CBX5: variants seen among roughly 807,000 people sequenced by gnomAD.
CBX5 encodes chromobox protein homolog 5.
In CBX5, 7 loss-of-function variants were observed where a neutral mutation model predicts 20.7. The ratio of observed to expected loss-of-function variants is 0.34; its 90% CI spans 0.19 to 0.63. The LOEUF (loss-of-function observed/expected upper bound fraction) is 0.63, where lower values mean the gene tolerates loss of function less well. Ranked by LOEUF, CBX5 falls within the 30% of genes least tolerant of loss-of-function variation. The probability of loss-of-function intolerance (pLI) is 0.75; values close to 1 mark genes in which losing one functional copy is unlikely to be tolerated. For missense variants in CBX5, 110 were observed against 224.1 expected (o/e 0.49, Z 3.25); for synonymous variants, 78 against 77.0 (o/e 1.01, Z -0.07).
intron 3 of CBX5, among the ~76,000 whole-genome samples, chr12:54,247,634 T>C (rs1270853625): frequency 1.3e-5 from 2 of 152,148 alleles, no homozygotes; most frequent in African/African-American, 4.8e-5. Flanking sequence ...AATCCATGTG[T>C]AGTAACACTG....
Position 54,241,739 on chromosome 12 carries a change from G to C in CBX5, c.*16C>G, listed in dbSNP as rs773760169. The C allele has an allele frequency of 2.5e-6, 4 of 1,605,524 alleles. No individual in the cohort carries two copies. Among genetic ancestry groups the C allele is most frequent in the Non-Finnish European group, 3.4e-6 (4 of 1,177,358 alleles). ...GTATTATGTACAAAGAGAAATGACA[G>C]AGACCATCCCCTCCTTTAGCTCTTT... On this transcript the variant is annotated 3_prime_UTR_variant, in exon 5 of 5. Coordinates refer to ENST00000209875, the MANE Select transcript of CBX5 (RefSeq NM_012117.3).
At chr12:54,252,262 G>A (rs752552421) in intron 2 of CBX5, 35 bp from the exon 3 acceptor site, 65 of 1,348,290 alleles carry the variant, frequency 4.8e-5, no homozygotes, top group Middle Eastern at 2.5e-4. Flanking sequence ...AAAAAAAAAA[G>A]GGGGGGGTAA....
At chr12:54,261,881 C>T (rs963768272) in intron 1 of CBX5, among the ~76,000 whole-genome samples, 2 of 152,096 alleles carry the variant, frequency 1.3e-5, no homozygotes, top group African/African-American at 4.8e-5. Context: ...ATGTTGAAAC[C>T]AAAGATCTAT....
chr12:54,262,166 T>C (rs1943919926), intron 1 of CBX5, among the ~76,000 whole-genome samples: 1 of 152,144 alleles, frequency 6.6e-6, no homozygotes, highest in African/African-American at 2.4e-5. Context: ...ACTTTAAAGA[T>C]GGCAGAATGA....
Position 54,238,981 on chromosome 12 carries a change from A to C in CBX5, c.*2774T>G, listed in dbSNP as rs1943650246. 6.6e-6 allele frequency: 1 copy of C among 152,212 alleles called. No individual in the cohort carries two copies. Among genetic ancestry groups the C allele is most frequent in the South Asian group, 2.1e-4 (1 of 4,836 alleles). The allele number at this position is 152,212 out of a possible 1,614,324, so 9.4% of individuals were successfully genotyped here. A position where few individuals can be genotyped will look rare whatever the true frequency, so the allele number is the denominator to read the frequency against. On this transcript the variant is annotated 3_prime_UTR_variant, in exon 5 of 5. Coordinates refer to ENST00000209875, the MANE Select transcript of CBX5 (RefSeq NM_012117.3). Reference sequence around the variant, plus strand: ...AAACAGGTTTCTGTTTGAGGCTGTAATTCTTCTAGGGCAAGAACATCTACT... The same window carrying C: ...AAACAGGTTTCTGTTTGAGGCTGTACTTCTTCTAGGGCAAGAACATCTACT...
At chr12:54,276,102 T>G (rs561157753) in intron 1 of CBX5, among the ~76,000 whole-genome samples, 1 of 152,272 alleles carries the variant, frequency 6.6e-6, no homozygotes, top group Admixed American at 6.5e-5. Flanking sequence ...AGTTTTCACT[T>G]GCACACGACA....
intron 1 of CBX5, chr12:54,259,630 A>C (rs1182136096): frequency 1.3e-5 from 2 of 152,784 alleles, no homozygotes; most frequent in Non-Finnish European, 2.9e-5. Flanking sequence ...GCCACTGCGC[A>C]GCTGTCCCAG....
intron 2 of CBX5, chr12:54,252,491 T>C (rs1429973944): frequency 2.8e-6 from 1 of 358,292 alleles, no homozygotes; most frequent in Non-Finnish European, 4.9e-6. Context: ...TGTTCATCAA[T>C]GGATGGTGAC....
intron 1 of CBX5, chr12:54,273,824 C>T (rs1308004134): frequency 6.6e-6 from 1 of 152,102 alleles, no homozygotes; most frequent in Non-Finnish European, 1.5e-5. Context: ...TGTTTTAAAC[C>T]ACCAAGTCTG....
chr12:54,252,360 C>A (rs1943814966), intron 2 of CBX5, 133 bp from the exon 3 acceptor site: 52 of 392,904 alleles, frequency 1.3e-4, no homozygotes, highest in South Asian at 2.4e-4. Flanking sequence ...AAGAAGATAA[C>A]AAATTTGATC....
intron 1 of CBX5, among the ~76,000 whole-genome samples, chr12:54,275,990 CAAAA>C (rs55963261): frequency 3.3e-5 from 3 of 90,696 alleles, no homozygotes; most frequent in Admixed American, 1.2e-4. Flanking sequence ...GACTCCATTC[CAAAA>C]AAAAAAAAAA....
chr12:54,263,387 T>C (rs1241083058), intron 1 of CBX5, among the ~76,000 whole-genome samples: 2 of 149,408 alleles, frequency 1.3e-5, no homozygotes, highest in African/African-American at 4.9e-5. Context: ...AAAAAACTTA[T>C]CAGTCCTCAG....
At chr12:54,245,485 C>T (rs572618698) in intron 4 of CBX5, among the ~76,000 whole-genome samples, 104 of 152,030 alleles carry the variant, frequency 6.8e-4, no homozygotes, top group Middle Eastern at 3.4e-3. Context: ...AGCAAAACCC[C>T]GACTCTACTA....
intron 1 of CBX5, chr12:54,272,032 G>T (rs1005426604): frequency 6.6e-6 from 1 of 152,152 alleles, no homozygotes; most frequent in Non-Finnish European, 1.5e-5. Flanking sequence ...CAGATTTAGG[G>T]ATGAGAAACG....
intron 3 of CBX5, among the ~76,000 whole-genome samples, chr12:54,248,724 G>A (rs371340348): frequency 2.6e-5 from 4 of 152,140 alleles, no homozygotes; most frequent in Admixed American, 2.6e-4. Flanking sequence ...GAAGAAAAAC[G>A]TTCAAGCTGC....
At chr12:54,247,659 G>C (rs1943749838) in intron 3 of CBX5, among the ~76,000 whole-genome samples, 1 of 151,938 alleles carries the variant, frequency 6.6e-6, no homozygotes, top group Non-Finnish European at 1.5e-5. Context: ...GAGCCAAAAA[G>C]CAAAATTTTA....
Position 54,234,996 on chromosome 12 carries a change from C to A in CBX5, c.*6759G>T, listed in dbSNP as rs1223726792. The A allele has an allele frequency of 6.6e-6, 1 of 152,118 alleles. No homozygotes were observed. The highest frequency in any genetic ancestry group is 1.5e-5 in the Non-Finnish European group (1 of 68,030). 9.4% of individuals were successfully genotyped at this position (152,118 alleles called of 1,614,324 possible). A position where few individuals can be genotyped will look rare whatever the true frequency, so the allele number is the denominator to read the frequency against. On this transcript the variant is annotated 3_prime_UTR_variant, in exon 5 of 5. Transcript: ENST00000209875. ...AAGACAAGATGAGGTAGATTAAAAT[C>A]CAAGAAAGTCAGCACAAGCAAAAAG...
At chr12:54,257,383 T>C in intron 2 of CBX5, 131 bp downstream of exon 2, 2 of 822,938 alleles carry the variant, frequency 2.4e-6, no homozygotes, top group Non-Finnish European at 3.9e-6. Flanking sequence ...TTTACTGCTG[T>C]GTCTTCTAAC....
intron 1 of CBX5, chr12:54,272,134 C>T (rs1944016135): frequency 6.6e-6 from 1 of 152,134 alleles, no homozygotes; most frequent in Admixed American, 6.5e-5. Context: ...CATTTTATTC[C>T]GACATAATTA....
Sources: gnomAD v4.1 joint callset for allele counts (sites outside exome capture counted in the v4.1 genomes callset) on GRCh38, gnomAD v4.1.1 for gene constraint, MANE v1.5 for transcripts, NCBI Gene and HGNC (gene_info 2026-07-23, HGNC 2026-07-21) for gene names.